SLC25A13: variants seen among roughly 807,000 people sequenced by gnomAD.
The protein encoded by SLC25A13 is solute carrier family 25 member 13, also known as electrogenic aspartate/glutamate antiporter SLC25A13, mitochondrial.
A neutral mutation model predicts 85.5 loss-of-function variants in SLC25A13; 70 were observed. The ratio of observed to expected loss-of-function variants is 0.82; its 90% CI spans 0.68 to 1.00. The LOEUF (loss-of-function observed/expected upper bound fraction) is 1.00. Among genes scored for constraint, SLC25A13 ranks in the 50% least tolerant of loss-of-function variants. The probability of loss-of-function intolerance (pLI) is 0.00; values close to 1 mark genes in which losing one functional copy is unlikely to be tolerated. For missense variants in SLC25A13, 765 were observed against 819.8 expected (o/e 0.93, Z 0.82); for synonymous variants, 259 against 288.7 (o/e 0.90, Z 1.04).
Position 96,194,518 on chromosome 7 carries a change from GT to G in SLC25A13, c.469-1336del, listed in dbSNP as rs371638548. Among the ~76,000 whole-genome samples the G allele has an allele frequency of 4.3e-4, 62 of 143,960 alleles. 1 individual carries two copies. The East Asian group carries it at 4.7e-3, about 11-fold the overall frequency. The allele number at this position is 143,960 out of a possible 152,430, so 94.4% of individuals were successfully genotyped here. ...CTTCAAATTATTTGAATATAATGGA[GT>G]TTTTTTAGACGATATTAAGAAATTA... On this transcript the variant is annotated intron_variant, in intron 5 of 17. Transcript: ENST00000265631.
At chr7:96,165,612 T>TAG (rs1562808075) in intron 13 of SLC25A13, among the ~76,000 whole-genome samples, 1 of 152,248 alleles carries the variant, frequency 6.6e-6, no homozygotes, top group African/African-American at 2.4e-5. Context: ...GAGGTGTTCC[T>TAG]AGAGCACTGG....
chr7:96,318,036 G>C (rs749892608), intron 1 of SLC25A13, among the ~76,000 whole-genome samples: 3 of 152,030 alleles, frequency 2.0e-5, no homozygotes, highest in Non-Finnish European at 2.9e-5. Flanking sequence ...ACACATAAAT[G>C]AATCAATGAT....
intron 9 of SLC25A13, among the ~76,000 whole-genome samples, chr7:96,186,899 C>G (rs1408768536): frequency 1.3e-5 from 2 of 152,016 alleles, no homozygotes; most frequent in Non-Finnish European, 2.9e-5. Context: ...AAAATTAATA[C>G]TAATATTTTG....
chr7:96,243,469 C>G (rs916436364), intron 3 of SLC25A13, among the ~76,000 whole-genome samples: 25 of 152,114 alleles, frequency 1.6e-4, no homozygotes, highest in African/African-American at 5.8e-4. Context: ...TAAAATAGAG[C>G]AACGCCTTGG....
chr7:96,137,359 G>A (rs1248434619), intron 14 of SLC25A13, among the ~76,000 whole-genome samples: 1 of 152,174 alleles, frequency 6.6e-6, no homozygotes, highest in Non-Finnish European at 1.5e-5. Flanking sequence ...CTTTAATCCA[G>A]GGACTTTAGG....
intron 3 of SLC25A13, among the ~76,000 whole-genome samples, chr7:96,258,652 T>C (rs1324592812): frequency 6.6e-6 from 1 of 152,178 alleles, no homozygotes; most frequent in African/African-American, 2.4e-5. Flanking sequence ...AAGTAATTTA[T>C]AGATTCAATG....
intron 4 of SLC25A13, among the ~76,000 whole-genome samples, chr7:96,227,195 T>A (rs1040218381): frequency 2.0e-5 from 3 of 152,204 alleles, no homozygotes; most frequent in Non-Finnish European, 4.4e-5. Flanking sequence ...ACCAGCATCT[T>A]TAGATAACAA....
intron 14 of SLC25A13, among the ~76,000 whole-genome samples, chr7:96,134,814 A>ATATATATAT (rs1554337570): frequency 9.3e-5 from 6 of 64,430 alleles, no homozygotes; most frequent in African/African-American, 3.9e-4. Flanking sequence ...TATATATATA[A>ATATATATAT]CCCTGAGGAA....
chr7:96,126,526 G>T (rs1251770847), intron 15 of SLC25A13, among the ~76,000 whole-genome samples: 2 of 152,134 alleles, frequency 1.3e-5, no homozygotes, highest in Non-Finnish European at 2.9e-5. Context: ...CCTGAAGAAA[G>T]TATAGTTGCC....
chr7:96,149,602 G>T (rs1792944962), intron 13 of SLC25A13, among the ~76,000 whole-genome samples: 1 of 152,158 alleles, frequency 6.6e-6, no homozygotes, highest in Admixed American at 6.6e-5. Flanking sequence ...CATTATCTGT[G>T]GTGGCCTCTG....
chr7:96,308,070 T>C (rs1416499300), intron 1 of SLC25A13, among the ~76,000 whole-genome samples: 1 of 151,650 alleles, frequency 6.6e-6, no homozygotes, highest in Non-Finnish European at 1.5e-5. Flanking sequence ...GGAGAATCAC[T>C]TGAACCAGGG....
intron 10 of SLC25A13, chr7:96,184,684 G>A: frequency 1.6e-6 from 1 of 628,252 alleles, no homozygotes; most frequent in South Asian, 2.0e-5. Context: ...AACCTCATTA[G>A]TAACCTGTCT....
Position 96,162,357 on chromosome 7 carries a change from CA to C in SLC25A13, c.1311+7687del, listed in dbSNP as rs1204901536. On this transcript the variant is annotated intron_variant, in intron 13 of 17. Transcript: ENST00000265631. ...GTATATTTTATGACCAAAGTATACA[CA>C]ATACTATTCAGGGCAAACTTACAGA... Among the ~76,000 whole-genome samples, 15 of 152,148 alleles carry C rather than the reference CA, an allele frequency of 9.9e-5. No individual in the cohort carries two copies. In the East Asian group the frequency reaches 2.9e-3, roughly 29 times the overall value.
In SLC25A13 at chr7:96,193,043, T is replaced by C. The variant is rs751566503; in HGVS notation, c.609A>G (p.Leu203=). ...AGGGCAAGTTACAACTTACAGCTAC[T>C]AGACATTCTTCTACAAAAGGAGTCA... The part of the protein sequence containing the change: ...HVLTPFVEEC[L]VAAAGGTTSH... The change falls in exon 6 of 18, where the codon CTA becomes CTG. Residue 203 remains leucine (L), a synonymous_variant. Coordinates refer to ENST00000265631, the MANE Select transcript of SLC25A13 (RefSeq NM_014251.3). 12 of 1,613,980 alleles carry C rather than the reference T, an allele frequency of 7.4e-6. No homozygotes were observed. The highest frequency in any genetic ancestry group is 9.3e-6 in the Non-Finnish European group (11 of 1,179,994).
chr7:96,256,503 C>T (rs764304465), intron 3 of SLC25A13, among the ~76,000 whole-genome samples: 77 of 152,004 alleles, frequency 5.1e-4, no homozygotes, highest in Non-Finnish European at 8.5e-4. Context: ...GGGATCAATC[C>T]GACAAGAAGA....
chr7:96,213,586 C>T (rs1795781857), intron 4 of SLC25A13, among the ~76,000 whole-genome samples: 1 of 152,210 alleles, frequency 6.6e-6, no homozygotes, highest in Admixed American at 6.5e-5. Context: ...CCAAACCTAA[C>T]TTGCAGTCCT....
At chr7:96,243,206 T>A (rs560169106) in intron 3 of SLC25A13, among the ~76,000 whole-genome samples, 1 of 152,310 alleles carries the variant, frequency 6.6e-6, no homozygotes, top group South Asian at 2.1e-4. Flanking sequence ...CCTCAGGTGA[T>A]CCACCCGCCT....
At chr7:96,286,114 C>T (rs2116965915) in intron 2 of SLC25A13, among the ~76,000 whole-genome samples, 1 of 151,964 alleles carries the variant, frequency 6.6e-6, no homozygotes, top group African/African-American at 2.4e-5. Context: ...GAAACCCCAT[C>T]TCTACTAAAA....
chr7:96,207,942 G>A (rs1358162433), intron 5 of SLC25A13, among the ~76,000 whole-genome samples: 1 of 152,088 alleles, frequency 6.6e-6, no homozygotes, highest in Admixed American at 6.5e-5. Context: ...GGCCACCCAA[G>A]AAGCTTTAAA....
Sources: gnomAD v4.1 joint callset for allele counts (sites outside exome capture counted in the v4.1 genomes callset) on GRCh38, gnomAD v4.1.1 for gene constraint, MANE v1.5 for transcripts, NCBI Gene and HGNC (gene_info 2026-07-23, HGNC 2026-07-21) for gene names.